PRKAG2: variants seen among roughly 807,000 people sequenced by gnomAD.
PRKAG2 encodes the protein protein kinase AMP-activated non-catalytic subunit gamma 2.
A neutral mutation model predicts 69.6 loss-of-function variants in PRKAG2; 26 were observed. The observed-to-expected ratio is 0.37, with a 90% CI of 0.27 to 0.52. The LOEUF is 0.52. Ranked by LOEUF, PRKAG2 falls within the 20% of genes least tolerant of loss-of-function variation. PRKAG2 has a pLI of 0.90. For missense variants in PRKAG2, 557 were observed against 740.0 expected, an observed-to-expected ratio of 0.75 and a Z score of 2.87; for synonymous variants, 293 against 285.0, an observed-to-expected ratio of 1.03 and a Z score of -0.28.
At chr7:151,609,594 C>G (rs76893015) in intron 5 of PRKAG2, among the ~76,000 whole-genome samples, 1,541 of 152,236 alleles carry the variant, frequency 0.01, 24 homozygotes, top group African/African-American at 0.035. Flanking sequence ...ATCTGCCCGT[C>G]CCAGGTTCTC....
intron 3 of PRKAG2, among the ~76,000 whole-genome samples, chr7:151,683,028 C>T (rs1834120106): frequency 6.6e-6 from 1 of 152,254 alleles, no homozygotes; most frequent in Non-Finnish European, 1.5e-5. Context: ...CTCCTTTTTC[C>T]TGCTCCTTAA....
intron 6 of PRKAG2, 35 bp downstream of exon 6, chr7:151,595,310 A>G: frequency 8.3e-7 from 1 of 1,201,396 alleles, no homozygotes; most frequent in Non-Finnish European, 1.1e-6. Flanking sequence ...CATCCAAAAA[A>G]TACCAAAAAA....
chr7:151,814,400 C>T lies in PRKAG2; in HGVS notation c.115-27859G>A. 8.2e-7 allele frequency: 1 copy of T among 1,223,824 alleles called. No homozygotes were observed. Among genetic ancestry groups the T allele is most frequent in the Non-Finnish European group, 1.0e-6 (1 of 983,504 alleles). 75.8% of individuals were successfully genotyped at this position (1,223,824 alleles called of 1,614,324 possible). A position where few individuals can be genotyped will look rare whatever the true frequency, so the allele number is the denominator to read the frequency against. Reference sequence around the variant, plus strand: ...CACTATGCATTTAGAAAGCCAGCTCCCGCAGGTCTGCTTACTCAGCCCCAA... The same window carrying T: ...CACTATGCATTTAGAAAGCCAGCTCTCGCAGGTCTGCTTACTCAGCCCCAA... On this transcript the variant is annotated intron_variant, in intron 1 of 15. Coordinates refer to ENST00000287878, the MANE Select transcript of PRKAG2 (RefSeq NM_016203.4). This position sits in a 1 kb window ranked among gnomAD's most constrained non-coding sequence, Gnocchi z 4.8.
chr7:151,807,322 A>G lies in PRKAG2; in HGVS notation c.115-20781T>C. 2 of 431,530 alleles carry G rather than the reference A, an allele frequency of 4.6e-6. No individual in the cohort carries two copies. Among genetic ancestry groups the G allele is most frequent in the South Asian group, 3.3e-5 (2 of 61,176 alleles). 26.7% of individuals were successfully genotyped at this position (431,530 alleles called of 1,614,324 possible). A position where few individuals can be genotyped will look rare whatever the true frequency, so the allele number is the denominator to read the frequency against. ...AACAAGCAATCTACAGAACGTGGGA[A>G]AATGCCTATATTAAGAATCCTGGAA... On this transcript the variant is annotated intron_variant, in intron 1 of 15. Transcript: ENST00000287878. This position sits in a 1 kb window ranked among gnomAD's most constrained non-coding sequence, Gnocchi z 4.4.
chr7:151,670,008 GCACACACCTGCATGCA>G (rs567534518), intron 4 of PRKAG2, among the ~76,000 whole-genome samples: 1,846 of 84,680 alleles, frequency 0.022, 40 homozygotes, highest in African/African-American at 0.077. Context: ...ACACACCTGT[GCACACACCTGCATGCA>G]CACACACCTG....
At chr7:151,844,651 C>G (rs1013286506) in intron 1 of PRKAG2, among the ~76,000 whole-genome samples, 4 of 152,188 alleles carry the variant, frequency 2.6e-5, no homozygotes, top group Non-Finnish European at 5.9e-5. Flanking sequence ...TTATTTCTAT[C>G]GTGAGTCATG....
At chr7:151,736,197 A>G in intron 3 of PRKAG2, 1 of 1,411,692 alleles carries the variant, frequency 7.1e-7, no homozygotes, top group Non-Finnish European at 9.2e-7. Flanking sequence ...ACCTCACCGC[A>G]GCCCCAGAGT....
intron 7 of PRKAG2, 200 bp downstream of exon 7, chr7:151,576,171 G>A (rs990148743): frequency 5.0e-6 from 3 of 603,352 alleles, no homozygotes; most frequent in Non-Finnish European, 8.9e-6. Flanking sequence ...GAACTGCTGG[G>A]CTCAAGCGAT....
chr7:151,868,444 G>T (rs1191143460), intron 1 of PRKAG2, among the ~76,000 whole-genome samples: 3 of 152,222 alleles, frequency 2.0e-5, no homozygotes, highest in African/African-American at 4.8e-5. Context: ...CTCTCAGGTG[G>T]CCCCTCTGCT....
At chr7:151,599,163 A>G (rs1336355024) in intron 5 of PRKAG2, among the ~76,000 whole-genome samples, 1 of 152,062 alleles carries the variant, frequency 6.6e-6, no homozygotes, top group East Asian at 1.9e-4. Flanking sequence ...CTAACTGACA[A>G]TTTAAACAAA....
chr7:151,689,396 A>T (rs1835299121), intron 3 of PRKAG2, among the ~76,000 whole-genome samples: 1 of 152,170 alleles, frequency 6.6e-6, no homozygotes, highest in African/African-American at 2.4e-5. Flanking sequence ...CCCCTCCTGG[A>T]AGTGTATCCC....
At chr7:151,876,115 A>T (rs2080395565) in intron 1 of PRKAG2, among the ~76,000 whole-genome samples, 1 of 132,648 alleles carries the variant, frequency 7.5e-6, no homozygotes, top group Non-Finnish European at 1.6e-5. Context: ...CCAGCAGCCG[A>T]GCGCGGGCTC....
At chr7:151,650,472 C>T (rs764095612) in intron 4 of PRKAG2, among the ~76,000 whole-genome samples, 11 of 152,050 alleles carry the variant, frequency 7.2e-5, no homozygotes, top group South Asian at 2.1e-4. Context: ...CAGTTCCTGT[C>T]GCTGTGTTCC....
chr7:151,590,969 G>C (rs1812964997), intron 6 of PRKAG2, among the ~76,000 whole-genome samples: 1 of 152,236 alleles, frequency 6.6e-6, no homozygotes, highest in Non-Finnish European at 1.5e-5. Flanking sequence ...ATGAGGCTGA[G>C]ATGCCAGGCT....
intron 1 of PRKAG2, among the ~76,000 whole-genome samples, chr7:151,812,823 C>A (rs1186979963): frequency 6.7e-6 from 1 of 150,194 alleles, no homozygotes; most frequent in Non-Finnish European, 1.5e-5. Context: ...TGACTTTAGG[C>A]AAAGAAGATT....
intron 1 of PRKAG2, among the ~76,000 whole-genome samples, chr7:151,861,738 C>A (rs1201977565): frequency 4.6e-5 from 7 of 151,998 alleles, no homozygotes; most frequent in Admixed American, 3.9e-4. Context: ...GTCATGCTCC[C>A]CCAAGTCCTG....
At chr7:151,827,299 C>T (rs574466554) in intron 1 of PRKAG2, among the ~76,000 whole-genome samples, 7 of 152,208 alleles carry the variant, frequency 4.6e-5, no homozygotes, top group East Asian at 1.9e-4. Flanking sequence ...AGTGCAGTGG[C>T]GCAATCTCAG....
chr7:151,664,047 C>G (rs1174274820), intron 4 of PRKAG2, among the ~76,000 whole-genome samples: 3 of 152,196 alleles, frequency 2.0e-5, no homozygotes, highest in African/African-American at 7.2e-5. Context: ...ACTTTAATCA[C>G]AAAACCAGGT....
At chr7:151,591,945 C>A (rs539181080) in intron 6 of PRKAG2, among the ~76,000 whole-genome samples, 5 of 152,156 alleles carry the variant, frequency 3.3e-5, no homozygotes, top group Non-Finnish European at 7.4e-5. Flanking sequence ...CCACGAGATG[C>A]GGAGACCATG....
Sources: gnomAD v4.1 joint callset for allele counts (sites outside exome capture counted in the v4.1 genomes callset) on GRCh38, gnomAD v4.1.1 for gene constraint, Gnocchi (gnomAD v3.1) non-coding constraint, MANE v1.5 for transcripts, NCBI Gene and HGNC (gene_info 2026-07-23, HGNC 2026-07-21) for gene names.